LRIF1: variants seen among roughly 807,000 people sequenced by gnomAD.
The protein encoded by LRIF1 is ligand dependent nuclear receptor interacting factor 1.
Under a neutral mutation model 52.7 loss-of-function variants are expected in LRIF1, and 32 were observed. The ratio of observed to expected loss-of-function variants is 0.61; its 90% confidence interval spans 0.46 to 0.82. LRIF1 has a LOEUF of 0.82. Among genes scored for constraint, LRIF1 ranks in the 40% least tolerant of loss-of-function variants. LRIF1 has a pLI of 0.00. For synonymous variants in LRIF1, 323 were observed against 317.4 expected (o/e 1.02, Z -0.19); for missense variants, 887 against 892.0 (o/e 0.99, Z 0.07).
chr1:110,948,399 G>T lies in LRIF1; in HGVS notation c.1870C>A (p.Gln624Lys). 6.2e-7 allele frequency: 1 copy of T among 1,606,282 alleles called. No individual in the cohort carries two copies. The highest frequency in any genetic ancestry group is 8.5e-7 in the Non-Finnish European group (1 of 1,175,848). Residue 624 changes from glutamine (Q) to lysine (K), a missense_variant and splice_region_variant, in exon 4 of 4, where the codon CAG becomes AAG. Transcript: ENST00000369763. ...FMVKEGERKQ[Q>K]NFDKKRKAKT... The stretch of plus-strand genomic sequence containing the variant: ...GCTTTTCTTTTCTTATCAAAATTCT[G>T]CTGCAATATTGAATAACATTCCAAA...
intron 1 of LRIF1, among the ~76,000 whole-genome samples, chr1:110,954,483 G>C (rs1658613941): frequency 1.3e-5 from 2 of 152,070 alleles, no homozygotes; most frequent in African/African-American, 2.4e-5. Flanking sequence ...GTTTTGCTAT[G>C]TTGTCCAGGC....
At chr1:110,938,727 A>G in the LRIF1 span, 8,738 of 152,278 alleles carry the variant, frequency 0.057, 296 homozygotes, top group East Asian at 0.14. Context: ...GCCAAGAGAA[A>G]GAAATAAAGG....
the LRIF1 span, among the ~76,000 whole-genome samples, chr1:110,886,850 T>G: frequency 5.7e-3 from 350 of 61,228 alleles, 9 homozygotes; most frequent in African/African-American, 0.016. Context: ...GTCTCCAATA[T>G]ATATATATAT....
chr1:110,947,281 A>ACCCC lies in LRIF1; in HGVS notation c.*677_*678insGGGG, dbSNP rs1557835778. 1 of 151,072 alleles carries ACCCC rather than the reference A, an allele frequency of 6.6e-6. No individual in the cohort carries two copies. The highest frequency in any genetic ancestry group is 2.5e-5 in the African/African-American group (1 of 40,642). The allele number at this position is 151,072 out of a possible 1,614,324, so 9.4% of individuals were successfully genotyped here. ...CAGTAACGTATGTACATAGTCCCAA[A>ACCCC]AAAAAAAAAAGCAGCATTTGCCTGG... On this transcript the variant is annotated 3_prime_UTR_variant, in exon 4 of 4. Transcript: ENST00000369763.
At chr1:110,881,775 G>A in the LRIF1 span, among the ~76,000 whole-genome samples, 1 of 152,168 alleles carries the variant, frequency 6.6e-6, no homozygotes, top group Non-Finnish European at 1.5e-5. Context: ...CACTTGGTGT[G>A]GTCAGGTTTT....
chr1:110,897,797 A>T, the LRIF1 span: 1 of 1,550,884 alleles, frequency 6.4e-7, no homozygotes. Flanking sequence ...TTGTAACTGA[A>T]ATGTCTTCTA....
chr1:110,886,846 A>AAGATATATATATAT, the LRIF1 span, among the ~76,000 whole-genome samples: 795 of 100,858 alleles, frequency 7.9e-3, 11 homozygotes, highest in Non-Finnish European at 0.012. Context: ...CTCTGTCTCC[A>AAGATATATATATAT]ATATATATAT....
the LRIF1 span, chr1:110,942,099 G>A: frequency 6.6e-6 from 1 of 152,040 alleles, no homozygotes; most frequent in Non-Finnish European, 1.5e-5. Context: ...TGCATGACAT[G>A]CTATAGTTTA....
chr1:110,883,253 G>A, the LRIF1 span, among the ~76,000 whole-genome samples: 1 of 151,866 alleles, frequency 6.6e-6, no homozygotes, highest in Admixed American at 6.6e-5. Flanking sequence ...TTTGCTAAGA[G>A]TTTTCATCAA....
chr1:110,876,791 C>T, the LRIF1 span, among the ~76,000 whole-genome samples: 1 of 152,104 alleles, frequency 6.6e-6, no homozygotes, highest in Non-Finnish European at 1.5e-5. Flanking sequence ...TGACAAAATT[C>T]AGACTGATAA....
chr1:110,899,366 T>C, the LRIF1 span: 1 of 544,974 alleles, frequency 1.8e-6, no homozygotes, highest in East Asian at 3.2e-5. Flanking sequence ...GCACATCCCA[T>C]CTCAGGCAGC....
Position 110,951,641 on chromosome 1 carries a change from C to A in LRIF1, c.1243G>T (p.Val415Phe), listed in dbSNP as rs748300278. 6.2e-7 allele frequency: 1 copy of A among 1,614,028 alleles called. No individual in the cohort carries two copies. The highest frequency in any genetic ancestry group is 8.5e-7 in the Non-Finnish European group (1 of 1,180,008). Reference sequence around the variant, plus strand: ...TGGGAAGATTTACTTTTAGCCAAAACAATATTTACAACCTCTCTGGATATT... The same window carrying A: ...TGGGAAGATTTACTTTTAGCCAAAAAAATATTTACAACCTCTCTGGATATT... Reference protein sequence around the residue: ...TEISREVVNIVLAKSKSSQME... With the variant: ...TEISREVVNIFLAKSKSSQME... The change falls in exon 2 of 4, where the codon GTT (valine) becomes TTT (phenylalanine). Residue 415 changes from valine to phenylalanine, a missense_variant. By Grantham distance (50) the Val-to-Phe change is conservative. Coordinates refer to ENST00000369763, the MANE Select transcript of LRIF1 (RefSeq NM_018372.4).
At position 110,947,992 on chromosome 1, in the gene LRIF1, A is replaced by T; in HGVS notation, c.2277T>A (p.Leu759=). ...KQVLREKEAA[L]EEMRKKMHQK is the part of the protein sequence containing the mutation. The stretch of plus-strand genomic sequence containing the variant: ...GGTGCATCTTCTTACGCATTTCTTC[A>T]AGAGCTGCTTCTTTCTCTCTCAGCA... The change falls in exon 4 of 4, where the codon CTT becomes CTA. Residue 759 remains leucine, a synonymous_variant. Transcript: ENST00000369763. The T allele has an allele frequency of 1.3e-6, 2 of 1,589,496 alleles. No individual in the cohort carries two copies. Among genetic ancestry groups the T allele is most frequent in the Non-Finnish European group, 1.7e-6 (2 of 1,170,652 alleles).
intron 1 of LRIF1, among the ~76,000 whole-genome samples, chr1:110,957,470 C>CAAAAAAAAAAAAAAAAAAAAAAAAAAAA (rs34396800): frequency 2.3e-5 from 1 of 42,794 alleles, no homozygotes; most frequent in Non-Finnish European, 3.8e-5. Context: ...GACTCAGTCT[C>CAAAAAAAAAAAAAAAAAAAAAAAAAAAA]AAAAAAAAAA....
chr1:110,934,400 C>T, the LRIF1 span, among the ~76,000 whole-genome samples: 3 of 152,308 alleles, frequency 2.0e-5, no homozygotes, highest in Non-Finnish European at 2.9e-5. Flanking sequence ...TTGGGTTCCC[C>T]GATTCCAGGA....
the LRIF1 span, chr1:110,941,169 G>A: frequency 1.3e-5 from 2 of 151,862 alleles, no homozygotes; most frequent in African/African-American, 4.8e-5. Flanking sequence ...TAAAAAACAA[G>A]ATCTGGTGTT....
intron 1 of LRIF1, among the ~76,000 whole-genome samples, chr1:110,962,214 A>C (rs1043484936): frequency 2.6e-5 from 4 of 152,182 alleles, no homozygotes; most frequent in African/African-American, 4.8e-5. Context: ...AAGGCTGCAG[A>C]AATTAATCAT....
At position 110,952,755 on chromosome 1, in the gene LRIF1, CAGA is replaced by C; in HGVS notation, c.126_128del (p.Leu43del). Reference sequence around the variant, plus strand: ...AAGACTTAGGAATTGGAAGTAATTGCAGAAGATTTTTTCCATCCGAGCCAATCG... The same window carrying C: ...AAGACTTAGGAATTGGAAGTAATTGCAGATTTTTTCCATCCGAGCCAATCG... On this transcript the variant is annotated inframe_deletion, in exon 2 of 4. Transcript: ENST00000369763. The C allele has an allele frequency of 6.2e-7, 1 of 1,613,292 alleles. No homozygotes were observed. The highest frequency in any genetic ancestry group is 8.5e-7 in the Non-Finnish European group (1 of 1,179,572).
At chr1:110,886,869 A>ATATATATATATATATTT in the LRIF1 span, among the ~76,000 whole-genome samples, 20 of 82,782 alleles carry the variant, frequency 2.4e-4, no homozygotes, top group African/African-American at 7.5e-4. Context: ...ATATATATAT[A>ATATATATATATATATTT]TTTTTTTTTT....
Sources: gnomAD v4.1 joint callset for allele counts (sites outside exome capture counted in the v4.1 genomes callset) on GRCh38, gnomAD v4.1.1 for gene constraint, MANE v1.5 for transcripts, NCBI Gene and HGNC (gene_info 2026-07-23, HGNC 2026-07-21) for gene names.